CACNA2D1: variants seen among roughly 807,000 people sequenced by gnomAD.
The protein encoded by CACNA2D1 is calcium voltage-gated channel auxiliary subunit alpha2delta 1, also known as voltage-dependent calcium channel subunit alpha-2/delta-1.
A neutral mutation model predicts 171.5 loss-of-function variants in CACNA2D1; 53 were observed. The observed-to-expected ratio is 0.31, with a 90% CI of 0.25 to 0.39. The LOEUF (loss-of-function observed/expected upper bound fraction) is 0.39. CACNA2D1 is among the 10% of genes least tolerant of loss of function. The pLI, the probability that CACNA2D1 is intolerant of heterozygous loss-of-function variation, is 1.00. For synonymous variants in CACNA2D1, 442 were observed against 443.1 expected, an observed-to-expected ratio of 1.00 and a Z score of 0.03; for missense variants, 903 against 1,299.8, an observed-to-expected ratio of 0.69 and a Z score of 4.69.
At chr7:82,134,468 A>G (rs1397746280) in intron 5 of CACNA2D1, among the ~76,000 whole-genome samples, 1 of 152,168 alleles carries the variant, frequency 6.6e-6, no homozygotes, top group African/African-American at 2.4e-5. Context: ...GCACGAAACA[A>G]CACTCTTTGC....
chr7:82,187,890 T>G (rs1163713346), intron 3 of CACNA2D1, among the ~76,000 whole-genome samples: 3 of 152,140 alleles, frequency 2.0e-5, no homozygotes, highest in African/African-American at 7.2e-5. Context: ...GGGTCTGCTT[T>G]CTGGTTCATA....
intron 1 of CACNA2D1, among the ~76,000 whole-genome samples, chr7:82,443,062 G>C (rs1389539939): frequency 3.3e-5 from 5 of 152,214 alleles, no homozygotes. Context: ...GCTGCACTCT[G>C]AAGTCTAGAG....
chr7:82,324,511 G>C (rs1816403426), intron 3 of CACNA2D1, among the ~76,000 whole-genome samples: 1 of 152,194 alleles, frequency 6.6e-6, no homozygotes, highest in South Asian at 2.1e-4. Context: ...ATATGGATCT[G>C]TCTCCTTAGT....
At chr7:82,362,310 G>A (rs1488130178) in intron 1 of CACNA2D1, among the ~76,000 whole-genome samples, 1 of 152,128 alleles carries the variant, frequency 6.6e-6, no homozygotes, top group East Asian at 1.9e-4. Flanking sequence ...TCAACAAGCA[G>A]TTTTAAAATG....
intron 25 of CACNA2D1, among the ~76,000 whole-genome samples, chr7:81,972,570 T>A (rs1795390282): frequency 6.6e-6 from 1 of 151,840 alleles, no homozygotes; most frequent in African/African-American, 2.4e-5. Flanking sequence ...ATTTCTAGAA[T>A]AACTGAAGTG....
chr7:82,011,124 ATTTTCCTCTGCATT>A (rs1799724741), intron 15 of CACNA2D1, among the ~76,000 whole-genome samples: 1 of 151,988 alleles, frequency 6.6e-6, no homozygotes, highest in African/African-American at 2.4e-5. Flanking sequence ...TGTGGTAGGC[ATTTTCCTCTGCATT>A]ACAGGATTGT....
intron 1 of CACNA2D1, among the ~76,000 whole-genome samples, chr7:82,363,368 T>A (rs1051241295): frequency 1.7e-4 from 25 of 146,618 alleles, no homozygotes; most frequent in African/African-American, 6.3e-4. Flanking sequence ...AGGTTCATGC[T>A]ATTCTCCTGC....
At position 81,990,413 on chromosome 7, in the gene CACNA2D1, G is replaced by T. The variant is rs1350580695; in HGVS notation, c.1796+772C>A. Among the ~76,000 whole-genome samples, 3 of 152,068 alleles carry T rather than the reference G, an allele frequency of 2.0e-5. 1 individual carries two copies. Among genetic ancestry groups the T allele is most frequent in the Non-Finnish European group, 4.4e-5 (3 of 68,026 alleles). ...TCATTTGCAAAACAGTGAACTATGT[G>T]AATGTAGGAGAGAGTGACAATGAGC... is the stretch of plus-strand genomic sequence containing the variant. On this transcript the variant is annotated intron_variant, in intron 21 of 38. Coordinates refer to ENST00000356860, the MANE Select transcript of CACNA2D1 (RefSeq NM_000722.4).
chr7:82,140,725 G>GC (rs1792267375), intron 4 of CACNA2D1, among the ~76,000 whole-genome samples: 3 of 151,966 alleles, frequency 2.0e-5, no homozygotes, highest in Non-Finnish European at 4.4e-5. Context: ...GGAGGCCGAG[G>GC]CGGGTGGATC....
At chr7:82,430,955 A>C (rs2129458719) in intron 1 of CACNA2D1, among the ~76,000 whole-genome samples, 1 of 152,014 alleles carries the variant, frequency 6.6e-6, no homozygotes, top group Admixed American at 6.5e-5. Context: ...AAATAGATTC[A>C]CTCTCTGTGG....
At chr7:82,145,488 GTA>G (rs1026380474) in intron 4 of CACNA2D1, among the ~76,000 whole-genome samples, 5 of 142,468 alleles carry the variant, frequency 3.5e-5, no homozygotes, top group African/African-American at 1.0e-4. Context: ...AAAATTCACT[GTA>G]TAGATACAGA....
At chr7:82,003,604 G>T (rs1291550281) in intron 18 of CACNA2D1, among the ~76,000 whole-genome samples, 3 of 149,482 alleles carry the variant, frequency 2.0e-5, no homozygotes, top group African/African-American at 4.9e-5. Context: ...TATATATATA[G>T]ATATATAGAT....
Position 81,962,510 on chromosome 7 carries a change from T to TAA in CACNA2D1, c.2781-17_2781-16dup. The TAA allele has an allele frequency of 9.1e-6, 13 of 1,434,850 alleles. No individual in the cohort carries two copies. Among genetic ancestry groups the TAA allele is most frequent in the African/African-American group, 1.4e-5 (1 of 69,228 alleles). The allele number at this position is 1,434,850 out of a possible 1,614,324, so 88.9% of individuals were successfully genotyped here. Reference sequence around the variant, plus strand: ...GTAGAATAGACCTGAATTTTTCAAATAAAAAAAAAATAAACATCTAGGGAA... The same window carrying TAA: ...GTAGAATAGACCTGAATTTTTCAAATAAAAAAAAAAAATAAACATCTAGGGAA... On this transcript the variant is annotated splice_polypyrimidine_tract_variant and intron_variant, in intron 34 of 38. Transcript: ENST00000356860.
intron 7 of CACNA2D1, among the ~76,000 whole-genome samples, chr7:82,067,968 C>T (rs972274722): frequency 6.6e-6 from 1 of 152,154 alleles, no homozygotes; most frequent in African/African-American, 2.4e-5. Context: ...TGGGCCCTTT[C>T]AATACTTTTC....
rs571884188 is a variant in CACNA2D1, at chr7:82,331,119, C to T, written c.294+4016G>A. Among the ~76,000 whole-genome samples, 8 of 152,182 alleles carry T rather than the reference C, an allele frequency of 5.3e-5. No individual in the cohort carries two copies. The South Asian group carries it at 1.7e-3, about 32-fold the overall frequency. ...TAGATATATTTCCTTGGGCAAGTTT[C>T]AGGAACTCTCAAAGTCCCAGTTTCT... On this transcript the variant is annotated intron_variant, in intron 3 of 38. Transcript: ENST00000356860.
intron 7 of CACNA2D1, among the ~76,000 whole-genome samples, chr7:82,068,740 TAAAC>T (rs1322076535): frequency 6.6e-6 from 1 of 152,140 alleles, no homozygotes; most frequent in Non-Finnish European, 1.5e-5. Context: ...ACGAATCTGA[TAAAC>T]AACTTAAAGA....
chr7:82,055,196 T>C (rs1389968498), intron 10 of CACNA2D1, among the ~76,000 whole-genome samples: 1 of 152,188 alleles, frequency 6.6e-6, no homozygotes, highest in Non-Finnish European at 1.5e-5. Context: ...GATGAGGACA[T>C]CTAAGTGGAC....
intron 1 of CACNA2D1, among the ~76,000 whole-genome samples, chr7:82,408,300 G>C (rs184199065): frequency 6.6e-6 from 1 of 152,066 alleles, no homozygotes; most frequent in Non-Finnish European, 1.5e-5. Flanking sequence ...GGGATTACAG[G>C]TATGTGACTC....
At chr7:82,020,242 A>C (rs924014687) in intron 12 of CACNA2D1, among the ~76,000 whole-genome samples, 1 of 152,194 alleles carries the variant, frequency 6.6e-6, no homozygotes, top group African/African-American at 2.4e-5. Flanking sequence ...AATTATGATT[A>C]GCATAGCCAC....
Sources: allele counts gnomAD v4.1 joint callset (sites outside exome capture counted in the v4.1 genomes callset), GRCh38; gene constraint gnomAD v4.1.1; transcripts MANE v1.5; gene names NCBI Gene and HGNC (gene_info 2026-07-23, HGNC 2026-07-21).